Variants in MTMR4 observed in about 807,000 individuals in gnomAD.
The protein encoded by MTMR4 is myotubularin related protein 4, also known as phosphatidylinositol-3,5-bisphosphate 3-phosphatase MTMR4.
MTMR4 carries 30 observed loss-of-function variants against 125.5 expected under a neutral mutation model. The ratio of observed to expected loss-of-function variants is 0.24; its 90% CI spans 0.18 to 0.32. MTMR4 has a LOEUF of 0.32. Ranked by LOEUF, MTMR4 falls within the 10% of genes least tolerant of loss-of-function variation. The pLI, the probability that MTMR4 is intolerant of heterozygous loss-of-function variation, is 1.00. For missense variants in MTMR4, 1,039 were observed against 1,511.5 expected (o/e 0.69, Z 5.18); for synonymous variants, 498 against 564.5 (o/e 0.88, Z 1.67).
upstream of MTMR4, chr17:58,514,684 T>A: frequency 1.0e-6 from 1 of 983,698 alleles, no homozygotes; most frequent in Non-Finnish European, 1.2e-6. Flanking sequence ...AAGGCGGAGG[T>A]AGAGGCGGGG....
intron 14 of MTMR4, among the ~76,000 whole-genome samples, chr17:58,497,003 G>A (rs748191796): frequency 5.9e-5 from 9 of 152,070 alleles, no homozygotes; most frequent in Non-Finnish European, 1.0e-4. Flanking sequence ...GCTTCCCAAG[G>A]CCCCATGAAA....
chr17:58,508,359 A>G lies in MTMR4; in HGVS notation c.594-85T>C. 1 of 1,547,488 alleles carries G rather than the reference A, an allele frequency of 6.5e-7. No individual in the cohort carries two copies. The highest frequency in any genetic ancestry group is 8.9e-7 in the Non-Finnish European group (1 of 1,119,962). Reference sequence around the variant, plus strand: ...CCTGGGGATGGCTTTGTGGGAAGAGAAACCATGAGCCTTCCTCCCTCTCAG... The same window carrying G: ...CCTGGGGATGGCTTTGTGGGAAGAGGAACCATGAGCCTTCCTCCCTCTCAG... On this transcript the variant is annotated intron_variant, in intron 6 of 17. Coordinates refer to ENST00000682306, the MANE Select transcript of MTMR4 (RefSeq NM_001378067.1). The surrounding 1 kb of genome is among the most constrained non-coding windows in gnomAD (Gnocchi z 4.8).
At chr17:58,505,069 C>T in intron 10 of MTMR4, 95 bp from the exon 11 acceptor site, 1 of 1,251,340 alleles carries the variant, frequency 8.0e-7, no homozygotes, top group Non-Finnish European at 1.1e-6. Flanking sequence ...ACAAAGTCCC[C>T]ATTGAGAACT....
At position 58,508,177 on chromosome 17, in the gene MTMR4, G is replaced by A. The variant is rs1424047192; in HGVS notation, c.691C>T (p.Pro231Ser). The change falls in exon 7 of 18, where the codon CCC (proline) becomes TCC (serine). Residue 231 changes from proline to serine, a missense_variant. Transcript: ENST00000682306. This position sits in a 1 kb window ranked among gnomAD's most constrained non-coding sequence, Gnocchi z 4.8. ...CTGCCTCACCTATACACAACCACGG[G>A]AATCCGCTTCCAGGAGCGGAAGGAA... ...VASFRSWKRI[P>S]VVVYRHLRNG... 27 of 1,613,486 alleles carry A rather than the reference G, an allele frequency of 1.7e-5. No homozygotes were observed. Among genetic ancestry groups the A allele is most frequent in the Non-Finnish European group, 2.3e-5 (27 of 1,179,902 alleles).
At position 58,495,817 on chromosome 17, in the gene MTMR4, A is replaced by G; in HGVS notation, c.2367T>C (p.Val789=). Residue 789 remains valine, a synonymous_variant, in exon 15 of 18, where the codon GTT becomes GTC. Transcript: ENST00000682306. ...TCTGGGAAGACTCAGGAAAATTACA[A>G]ACTCCATCACACTTGTTAGAAATGA... The part of the protein sequence containing the change: ...SKVISNKCDG[V]CNFPESSQNS... 1 of 1,614,124 alleles carries G rather than the reference A, an allele frequency of 6.2e-7. No homozygotes were observed. Among genetic ancestry groups the G allele is most frequent in the Non-Finnish European group, 8.5e-7 (1 of 1,180,034 alleles).
In MTMR4 at chr17:58,512,603, G is replaced by T; in HGVS notation, c.136-97C>A. The T allele has an allele frequency of 9.3e-7, 1 of 1,070,790 alleles. No homozygotes were observed. The allele number at this position is 1,070,790 out of a possible 1,614,324, so 66.3% of individuals were successfully genotyped here. On this transcript the variant is annotated intron_variant, in intron 2 of 17. Transcript: ENST00000682306. The surrounding 1 kb of genome is among the most constrained non-coding windows in gnomAD (Gnocchi z 4.1). ...TGTGGGATCCCCTCTGGAAAAGGTG[G>T]GCCAAGGCAAGAGAGGAGAGTTCTC...
chr17:58,502,400 C>T (rs1163071963), intron 14 of MTMR4, among the ~76,000 whole-genome samples: 1 of 151,910 alleles, frequency 6.6e-6, no homozygotes, highest in Non-Finnish European at 1.5e-5. Context: ...TCAAGTGATC[C>T]ACCTGCCTCG....
At chr17:58,498,346 T>C (rs1478042895) in intron 14 of MTMR4, among the ~76,000 whole-genome samples, 1 of 151,920 alleles carries the variant, frequency 6.6e-6, no homozygotes, top group Non-Finnish European at 1.5e-5. Context: ...TACCAAAGGT[T>C]AGTCAGCAAT....
chr17:58,509,591 T>A (rs1433201173), intron 4 of MTMR4, among the ~76,000 whole-genome samples: 1 of 151,648 alleles, frequency 6.6e-6, no homozygotes, highest in East Asian at 2.0e-4. Context: ...GCTAACTTTT[T>A]AAATTCTTCA....
At position 58,504,464 on chromosome 17, in the gene MTMR4, C is replaced by A; in HGVS notation, c.1366G>T (p.Asp456Tyr). The A allele has an allele frequency of 6.2e-7, 1 of 1,613,960 alleles. No homozygotes were observed. The highest frequency in any genetic ancestry group is 8.5e-7 in the Non-Finnish European group (1 of 1,179,986). ...AACTTGTGCCCAAAATCCAGCCAGT[C>A]AGACTCCACTAACACTTGGAAGCCC... ...LEGFQVLVES[D>Y]WLDFGHKFGD... Residue 456 changes from aspartate (D) to tyrosine (Y), a missense_variant, in exon 12 of 18, where the codon GAC (aspartate) becomes TAC (tyrosine). Physicochemically the swap from Asp to Tyr is radical, Grantham distance 160. Coordinates refer to ENST00000682306, the MANE Select transcript of MTMR4 (RefSeq NM_001378067.1). This position sits in a 1 kb window ranked among gnomAD's most constrained non-coding sequence, Gnocchi z 7.1.
At chr17:58,499,262 C>T (rs1016336653) in intron 14 of MTMR4, among the ~76,000 whole-genome samples, 1 of 151,324 alleles carries the variant, frequency 6.6e-6, no homozygotes, top group Non-Finnish European at 1.5e-5. Flanking sequence ...AAAACTACCT[C>T]TCACCCAGGT....
At chr17:58,510,991 A>G (rs1975914906) in intron 4 of MTMR4, 2 of 152,682 alleles carry the variant, frequency 1.3e-5, no homozygotes, top group South Asian at 2.1e-4. Flanking sequence ...TACGGTTGGT[A>G]TCTCCTCATT....
chr17:58,512,799 T>C lies in MTMR4; in HGVS notation c.135+53A>G. The C allele has an allele frequency of 6.6e-7, 1 of 1,507,680 alleles. No homozygotes were observed. Among genetic ancestry groups the C allele is most frequent in the Admixed American group, 1.8e-5 (1 of 56,102 alleles). The allele number at this position is 1,507,680 out of a possible 1,614,324, so 93.4% of individuals were successfully genotyped here. ...AGGATTTTTGGGAGAAGGGAGGGTG[T>C]TTTTTAACTGGGCAGGGAGCCCCAT... On this transcript the variant is annotated intron_variant, in intron 2 of 17. Coordinates refer to ENST00000682306, the MANE Select transcript of MTMR4 (RefSeq NM_001378067.1). The surrounding 1 kb of genome is among the most constrained non-coding windows in gnomAD (Gnocchi z 4.1).
intron 4 of MTMR4, among the ~76,000 whole-genome samples, chr17:58,510,440 A>C (rs914837703): frequency 2.0e-5 from 3 of 151,670 alleles, no homozygotes; most frequent in African/African-American, 7.3e-5. Context: ...TCAAGTCTTG[A>C]CTCGACTGCC....
rs149266537 is a variant in MTMR4, at chr17:58,495,819, C to T, written c.2365G>A (p.Val789Ile). 3.5e-5 allele frequency: 56 copies of T among 1,614,176 alleles called. No individual in the cohort carries two copies. The African/African-American group carries it at 6.9e-4, about 20-fold the overall frequency. Residue 789 changes from valine to isoleucine, a missense_variant, in exon 15 of 18, where the codon GTT becomes ATT. Transcript: ENST00000682306. ...SKVISNKCDGVCNFPESSQNS... is the reference protein window; with the variant it reads ...SKVISNKCDGICNFPESSQNS... ...TGGGAAGACTCAGGAAAATTACAAA[C>T]TCCATCACACTTGTTAGAAATGACC...
Position 58,509,400 on chromosome 17 carries a change from A to AAT in MTMR4, c.336-561_336-560dup, listed in dbSNP as rs377166921. Among the ~76,000 whole-genome samples the AAT allele has an allele frequency of 3.2e-3, 480 of 148,630 alleles. 1 individual carries two copies. Among genetic ancestry groups the AAT allele is most frequent in the Middle Eastern group, 6.9e-3 (2 of 288 alleles). ...CTCTCTTGATTCTTAATGTGCTTGGAATATATATATATACCTTTTTTTTTT... is the reference window on the plus strand; with the variant it reads ...CTCTCTTGATTCTTAATGTGCTTGGAATATATATATATATACCTTTTTTTTTT... On this transcript the variant is annotated intron_variant, in intron 4 of 17. Coordinates refer to ENST00000682306, the MANE Select transcript of MTMR4 (RefSeq NM_001378067.1).
Position 58,496,164 on chromosome 17 carries a change from C to T in MTMR4, c.2020G>A (p.Asp674Asn), listed in dbSNP as rs1975462270. Residue 674 changes from aspartate to asparagine, a missense_variant, in exon 15 of 18, where the codon GAC becomes AAC. This residue lies in a region of MTMR4 where 619 missense variants were observed against 714.5 expected (regional missense o/e 0.87). Coordinates refer to ENST00000682306, the MANE Select transcript of MTMR4 (RefSeq NM_001378067.1). The stretch of plus-strand genomic sequence containing the variant: ...TGCTGAGGCCCTCCTACCCCAGAGT[C>T]CACAAAGCTTGTCTCTGATCCCTCA... Reference protein sequence around the residue: ...NPEGSETSFVDSGVGGPQQTV... With the variant: ...NPEGSETSFVNSGVGGPQQTV... 6.2e-7 allele frequency: 1 copy of T among 1,614,190 alleles called. No homozygotes were observed. Among genetic ancestry groups the T allele is most frequent in the Admixed American group, 1.7e-5 (1 of 60,024 alleles).
In MTMR4 at chr17:58,496,021, G is replaced by T. The variant is rs748294907; in HGVS notation, c.2163C>A (p.Thr721=). The T allele has an allele frequency of 1.2e-6, 2 of 1,613,890 alleles. No individual in the cohort carries two copies. The highest frequency in any genetic ancestry group is 3.3e-5 in the Admixed American group (2 of 59,988). The change falls in exon 15 of 18, where the codon ACC becomes ACA. Residue 721 remains threonine (T), a synonymous_variant. Transcript: ENST00000682306. ...SCSPSYKLLN[T]AVPREMKSNT... ...TGCTCTTCATTTCCCGAGGCACTGC[G>T]GTATTAAGCAGTTTGTAACTTGGAG...
chr17:58,503,593 G>A (rs943154520), intron 14 of MTMR4, 151 bp downstream of exon 14: 71 of 947,198 alleles, frequency 7.5e-5, no homozygotes, highest in Middle Eastern at 5.1e-4. Context: ...AGGTTGCAGT[G>A]AGCCAAGATT....
Sources: gnomAD v4.1 joint callset for allele counts (sites outside exome capture counted in the v4.1 genomes callset) on GRCh38, gnomAD v4.1.1 for gene constraint, gnomAD v4.1.1 regional missense constraint, Gnocchi (gnomAD v3.1) non-coding constraint, MANE v1.5 for transcripts, NCBI Gene and HGNC (gene_info 2026-07-23, HGNC 2026-07-21) for gene names.